The following GARS1 variants were observed in gnomAD, a reference collection of about 807,000 sequenced individuals.
The protein encoded by GARS1 is glycyl-tRNA synthetase 1.
Under a neutral mutation model 86.4 loss-of-function variants are expected in GARS1, and 46 were observed. That is an observed-to-expected ratio of 0.53 (90% CI 0.42 to 0.68). The LOEUF (loss-of-function observed/expected upper bound fraction) is 0.68. Among genes scored for constraint, GARS1 ranks in the 30% least tolerant of loss-of-function variants. GARS1 has a pLI of 0.00. For missense variants in GARS1, 797 were observed against 915.6 expected (o/e 0.87, Z 1.67); for synonymous variants, 342 against 329.8 (o/e 1.04, Z -0.40).
chr7:30,633,644 C>T, intron 16 of GARS1, 91 bp from the exon 17 acceptor site: 1 of 1,472,650 alleles, frequency 6.8e-7, no homozygotes, highest in Non-Finnish European at 9.4e-7. Flanking sequence ...TTGTTTGGCT[C>T]TGTGTAAGGT....
chr7:30,598,288 C>T (rs913748666), intron 1 of GARS1, among the ~76,000 whole-genome samples: 2 of 151,276 alleles, frequency 1.3e-5, no homozygotes, highest in Non-Finnish European at 1.5e-5. Context: ...TTAACTTGCC[C>T]GTGTGTTCTT....
Position 30,633,877 on chromosome 7 carries a change from T to G in GARS1, c.*17T>G. ...GAGGAATGAGGACAATTTTGACAAC[T>G]TTTGACCACTTGCGCTAATAAAAAA... On this transcript the variant is annotated 3_prime_UTR_variant, in exon 17 of 17. Coordinates refer to ENST00000389266, the MANE Select transcript of GARS1 (RefSeq NM_002047.4). 6.3e-7 allele frequency: 1 copy of G among 1,591,440 alleles called. No homozygotes were observed. Among genetic ancestry groups the G allele is most frequent in the Non-Finnish European group, 8.5e-7 (1 of 1,169,902 alleles).
chr7:30,615,822 A>C, intron 8 of GARS1, 74 bp from the exon 9 acceptor site: 48 of 1,428,980 alleles, frequency 3.4e-5, no homozygotes, highest in African/African-American at 4.2e-5. Flanking sequence ...AGTTGAAAAT[A>C]GAGGCCTTGT....
At chr7:30,602,900 A>G in intron 4 of GARS1, 134 bp from the exon 5 acceptor site, 1 of 725,150 alleles carries the variant, frequency 1.4e-6, no homozygotes, top group Admixed American at 2.0e-5. Flanking sequence ...TGTCATGGAT[A>G]CATCATTACT....
chr7:30,596,368 T>A (rs926193487), intron 1 of GARS1, among the ~76,000 whole-genome samples: 2 of 152,270 alleles, frequency 1.3e-5, no homozygotes, highest in African/African-American at 4.8e-5. Flanking sequence ...ATATTCTGTC[T>A]CCCTCCACCC....
At chr7:30,615,674 A>G (rs952778691) in intron 8 of GARS1, among the ~76,000 whole-genome samples, 3 of 152,220 alleles carry the variant, frequency 2.0e-5, no homozygotes, top group Admixed American at 6.5e-5. Flanking sequence ...TTGTACAAAT[A>G]TAATACATCA....
intron 12 of GARS1, 162 bp downstream of exon 12, chr7:30,622,624 T>C (rs1783038090): frequency 2.7e-6 from 2 of 753,406 alleles, no homozygotes. Context: ...CATTATAGCC[T>C]GAAAAAAGAT....
At position 30,621,432 on chromosome 7, in the gene GARS1, T is replaced by A. The variant is rs368388267; in HGVS notation, c.1399T>A (p.Tyr467Asn). 14 of 1,614,114 alleles carry A rather than the reference T, an allele frequency of 8.7e-6. No homozygotes were observed. Among genetic ancestry groups the A allele is most frequent in the Non-Finnish European group, 1.0e-5 (12 of 1,180,048 alleles). The part of the protein sequence containing the change: ...EIVGCADRSC[Y>N]DLSCHARATK... ...TGTTGGATGTGCTGATCGTTCCTGT[T>A]ATGACCTCTCCTGTCATGCACGAGC... The change falls in exon 11 of 17, where the codon TAT (tyrosine) becomes AAT (asparagine). Residue 467 changes from tyrosine to asparagine, a missense_variant. By Grantham distance (143) the Tyr-to-Asn change is moderately radical. Transcript: ENST00000389266.
intron 10 of GARS1, among the ~76,000 whole-genome samples, chr7:30,620,900 C>T (rs944994095): frequency 1.3e-5 from 2 of 152,092 alleles, no homozygotes; most frequent in African/African-American, 4.8e-5. Flanking sequence ...CAAATTTGAA[C>T]CAAATTTACA....
In GARS1 at chr7:30,614,221, ATAGT is replaced by A. The variant is rs1479707090; in HGVS notation, c.1032-1672_1032-1669del. The A allele has an allele frequency of 5.9e-5, 9 of 151,680 alleles. No individual in the cohort carries two copies. The South Asian group carries it at 1.0e-3, about 17-fold the overall frequency. 9.4% of individuals were successfully genotyped at this position (151,680 alleles called of 1,614,324 possible). On this transcript the variant is annotated intron_variant, in intron 8 of 16. Transcript: ENST00000389266. Reference sequence around the variant, plus strand: ...CTAATTAACATAATTATCACCTCACATAGTTACTTTTTTTTTTTTTAGTGGTGAG... The same window carrying A: ...CTAATTAACATAATTATCACCTCACATACTTTTTTTTTTTTTAGTGGTGAG...
At chr7:30,599,864 G>A in intron 2 of GARS1, 83 bp from the exon 3 acceptor site, 3 of 857,746 alleles carry the variant, frequency 3.5e-6, no homozygotes, top group South Asian at 1.6e-5. Flanking sequence ...TAATTCTGGT[G>A]AGGAATAAAC....
intron 4 of GARS1, 70 bp from the exon 5 acceptor site, chr7:30,602,964 A>G: frequency 2.0e-6 from 2 of 1,007,458 alleles, no homozygotes; most frequent in Non-Finnish European, 3.1e-6. Context: ...ATGGGGAATT[A>G]TCTTATAAGG....
chr7:30,621,367 TG>T (rs1251735304), intron 10 of GARS1, 25 bp from the exon 11 acceptor site: 1 of 1,575,096 alleles, frequency 6.3e-7, no homozygotes. Context: ...AAGTAAGTAA[TG>T]TTTTTATTGA....
At chr7:30,625,509 C>T (rs1783112163) in intron 12 of GARS1, among the ~76,000 whole-genome samples, 1 of 152,152 alleles carries the variant, frequency 6.6e-6, no homozygotes, top group Non-Finnish European at 1.5e-5. Context: ...TATCCTAGCA[C>T]TGAATTGCTT....
intron 4 of GARS1, 115 bp downstream of exon 4, chr7:30,601,315 A>G (rs948965363): frequency 1.4e-5 from 13 of 945,388 alleles, no homozygotes; most frequent in Admixed American, 2.7e-5. Flanking sequence ...CATTTCATGT[A>G]GAAAATCTGA....
chr7:30,608,444 A>G (rs1729959261), intron 6 of GARS1, among the ~76,000 whole-genome samples: 2 of 152,178 alleles, frequency 1.3e-5, no homozygotes, highest in South Asian at 4.1e-4. Context: ...CGTGTCTTGA[A>G]GTTCACTGGA....
chr7:30,611,453 G>A (rs1377297778), intron 7 of GARS1, among the ~76,000 whole-genome samples: 1 of 152,154 alleles, frequency 6.6e-6, no homozygotes, highest in Non-Finnish European at 1.5e-5. Context: ...AGACATCAGG[G>A]GTTTAAGGGG....
intron 13 of GARS1, among the ~76,000 whole-genome samples, chr7:30,627,650 G>C (rs913817630): frequency 6.6e-6 from 1 of 152,190 alleles, no homozygotes. Flanking sequence ...GTGAGCCCCT[G>C]TAAGATGTCT....
At position 30,612,104 on chromosome 7, in the gene GARS1, G is replaced by A; in HGVS notation, c.890G>A (p.Arg297Lys). 1 of 1,613,786 alleles carries A rather than the reference G, an allele frequency of 6.2e-7. No individual in the cohort carries two copies. The highest frequency in any genetic ancestry group is 8.5e-7 in the Non-Finnish European group (1 of 1,179,712). Residue 297 changes from arginine to lysine, a missense_variant, in exon 8 of 17, where the codon AGA (arginine) becomes AAA (lysine). Around this residue, in one of 2 missense-constraint regions of GARS1, gnomAD observed 598 missense variants for 738.7 expected, o/e 0.81. Coordinates refer to ENST00000389266, the MANE Select transcript of GARS1 (RefSeq NM_002047.4). The part of the protein sequence containing the change: ...GPGGNMPGYL[R>K]PETAQGIFLN... ...CTTACTTAAATTTATAGGTACTTGA[G>A]ACCAGAAACTGCACAGGGGATTTTC...
Sources: allele counts gnomAD v4.1 joint callset (sites outside exome capture counted in the v4.1 genomes callset), GRCh38; gene constraint gnomAD v4.1.1; regional missense constraint gnomAD v4.1.1; transcripts MANE v1.5; gene names NCBI Gene and HGNC (gene_info 2026-07-23, HGNC 2026-07-21).